The following ANKRD33B variants were observed in gnomAD, a reference collection of about 807,000 sequenced individuals.
The protein encoded by ANKRD33B is ankyrin repeat domain-containing protein 33B.
ANKRD33B carries 6 observed loss-of-function variants against 21.5 expected under a neutral mutation model. The ratio of observed to expected loss-of-function variants is 0.28; its 90% CI spans 0.15 to 0.55. The LOEUF is 0.55. ANKRD33B is among the 20% of genes least tolerant of loss of function. ANKRD33B has a pLI of 0.94. For missense variants in ANKRD33B, 698 were observed against 747.2 expected, an observed-to-expected ratio of 0.93 and a Z score of 0.77; for synonymous variants, 347 against 342.4, an observed-to-expected ratio of 1.01 and a Z score of -0.15.
rs761016855 is a variant in ANKRD33B at position 10,564,540 on chromosome 5, C to T, written c.73C>T (p.Pro25Ser). The change falls in exon 1 of 4, where the codon CCC becomes TCC. Residue 25 changes from proline to serine, a missense_variant. Around this residue, in one of 3 missense-constraint regions of ANKRD33B, gnomAD observed 148 missense variants for 154.9 expected, o/e 0.96. Coordinates refer to ENST00000296657, the MANE Select transcript of ANKRD33B (RefSeq NM_001164440.2). ...CATGACCCCACCACCGCCGTCCCCA[C>T]CCCGGGGCGCGCAGGTCGAGGAGGA... ...RCMTPPPPSP[P>S]RGAQVEEDPA... The T allele has an allele frequency of 2.0e-6, 3 of 1,533,264 alleles. No individual in the cohort carries two copies. The highest frequency in any genetic ancestry group is 2.4e-5 in the South Asian group (2 of 83,968). 95.0% of individuals were successfully genotyped at this position (1,533,264 alleles called of 1,614,324 possible).
At chr5:10,621,730 T>C (rs1736426556) in intron 2 of ANKRD33B, among the ~76,000 whole-genome samples, 2 of 152,232 alleles carry the variant, frequency 1.3e-5, no homozygotes, top group Admixed American at 6.5e-5. Context: ...CTGGTTAATA[T>C]CCTATAAGGC....
intron 1 of ANKRD33B, among the ~76,000 whole-genome samples, chr5:10,569,856 C>A (rs1413316707): frequency 3.3e-5 from 5 of 151,960 alleles, no homozygotes; most frequent in Admixed American, 2.6e-4. Context: ...TAGAGAGGCC[C>A]ATGTGTTTTT....
chr5:10,577,043 G>GT (rs1248588842), intron 1 of ANKRD33B, among the ~76,000 whole-genome samples: 1 of 152,086 alleles, frequency 6.6e-6, no homozygotes, highest in African/African-American at 2.4e-5. Context: ...GCCGGGGATG[G>GT]TCACAAGCCT....
intron 2 of ANKRD33B, among the ~76,000 whole-genome samples, chr5:10,637,425 G>GAC (rs59222148): frequency 0.051 from 5,100 of 100,292 alleles, 153 homozygotes; most frequent in Middle Eastern, 0.074. Context: ...TAGGTAGTTA[G>GAC]ACACACACAC....
intron 2 of ANKRD33B, among the ~76,000 whole-genome samples, chr5:10,622,105 CA>C (rs550954150): frequency 1.1e-3 from 163 of 152,326 alleles, no homozygotes; most frequent in African/African-American, 3.8e-3. Context: ...TGAGCTATAA[CA>C]GGAAGTAAAT....
chr5:10,574,607 TGAA>T (rs1735276163), intron 1 of ANKRD33B, among the ~76,000 whole-genome samples: 1 of 152,136 alleles, frequency 6.6e-6, no homozygotes, highest in Admixed American at 6.5e-5. Context: ...GATGAAATCA[TGAA>T]GATTATAGAT....
rs953135643 is a variant in ANKRD33B at position 10,650,735 on chromosome 5, A to G, written c.*622A>G. ...ATTGGCTCGTTGAGCCACATGATCA[A>G]GTGAGACAGAGGATCAGATGTTACT... is the stretch of plus-strand genomic sequence containing the variant. On this transcript the variant is annotated 3_prime_UTR_variant, in exon 4 of 4. Transcript: ENST00000296657. The G allele has an allele frequency of 6.6e-6, 1 of 152,400 alleles. No homozygotes were observed. The highest frequency in any genetic ancestry group is 1.5e-5 in the Non-Finnish European group (1 of 68,038). 9.4% of individuals were successfully genotyped at this position (152,400 alleles called of 1,614,324 possible).
chr5:10,565,091 G>T (rs573649569), intron 1 of ANKRD33B, among the ~76,000 whole-genome samples: 1 of 152,366 alleles, frequency 6.6e-6, no homozygotes, highest in South Asian at 2.1e-4. Context: ...CGTCCTCACC[G>T]CATCCCCTTC....
intron 1 of ANKRD33B, among the ~76,000 whole-genome samples, chr5:10,597,430 A>G (rs1735842220): frequency 2.0e-5 from 3 of 152,138 alleles, no homozygotes; most frequent in Admixed American, 2.0e-4. Flanking sequence ...CAACAAAGAT[A>G]AAAAAAGACA....
At chr5:10,635,358 AC>A (rs1736831503) in intron 2 of ANKRD33B, among the ~76,000 whole-genome samples, 1 of 152,026 alleles carries the variant, frequency 6.6e-6, no homozygotes, top group African/African-American at 2.4e-5. Flanking sequence ...TTCCCATACC[AC>A]CCAGTTGAGA....
intron 3 of ANKRD33B, among the ~76,000 whole-genome samples, chr5:10,645,522 T>C (rs186118259): frequency 1.1e-4 from 17 of 152,300 alleles, no homozygotes; most frequent in African/African-American, 4.1e-4. Context: ...GACTAGACAG[T>C]GGCTTAAAGA....
At chr5:10,623,740 C>G (rs896742239) in intron 2 of ANKRD33B, among the ~76,000 whole-genome samples, 10 of 152,182 alleles carry the variant, frequency 6.6e-5, no homozygotes, top group African/African-American at 2.4e-4. Context: ...GTAGCAGGAT[C>G]GGGTGGCCGG....
chr5:10,581,761 A>G (rs962216899), intron 1 of ANKRD33B, among the ~76,000 whole-genome samples: 2 of 152,160 alleles, frequency 1.3e-5, no homozygotes, highest in Non-Finnish European at 2.9e-5. Flanking sequence ...TTGAACAAAA[A>G]CTGAGGTTTC....
chr5:10,577,270 C>T (rs1183346612), intron 1 of ANKRD33B, among the ~76,000 whole-genome samples: 1 of 152,162 alleles, frequency 6.6e-6, no homozygotes, highest in Non-Finnish European at 1.5e-5. Context: ...GCTGGGATTA[C>T]AGGCACCCAC....
chr5:10,612,239 G>A (rs1222711736), intron 1 of ANKRD33B, among the ~76,000 whole-genome samples: 2 of 152,202 alleles, frequency 1.3e-5, no homozygotes, highest in African/African-American at 2.4e-5. Context: ...TAAACTGGGT[G>A]GCTTATAAAC....
intron 1 of ANKRD33B, among the ~76,000 whole-genome samples, chr5:10,608,350 T>G (rs1211442915): frequency 7.2e-6 from 1 of 138,720 alleles, no homozygotes; most frequent in Non-Finnish European, 1.5e-5. Context: ...AGAGCGAGAC[T>G]CCATCTAAAA....
chr5:10,646,701 T>G (rs1428383933), intron 3 of ANKRD33B, among the ~76,000 whole-genome samples: 1 of 152,266 alleles, frequency 6.6e-6, no homozygotes, highest in Non-Finnish European at 1.5e-5. Context: ...CAATGACACT[T>G]TTACTGCCCC....
At chr5:10,567,996 A>G (rs1315245151) in intron 1 of ANKRD33B, among the ~76,000 whole-genome samples, 2 of 152,160 alleles carry the variant, frequency 1.3e-5, no homozygotes, top group African/African-American at 2.4e-5. Flanking sequence ...TGAGCTCTTC[A>G]TCTCTGGGCA....
At chr5:10,590,251 T>C (rs985759293) in intron 1 of ANKRD33B, among the ~76,000 whole-genome samples, 2 of 152,242 alleles carry the variant, frequency 1.3e-5, no homozygotes, top group African/African-American at 4.8e-5. Context: ...CATCTGGTAA[T>C]TTTTGGAATG....
Sources: gnomAD v4.1 joint callset for allele counts (sites outside exome capture counted in the v4.1 genomes callset) on GRCh38, gnomAD v4.1.1 for gene constraint, gnomAD v4.1.1 regional missense constraint, MANE v1.5 for transcripts, NCBI Gene and HGNC (gene_info 2026-07-23, HGNC 2026-07-21) for gene names.